The following IMPA2 variants were observed in gnomAD, a reference collection of about 807,000 sequenced individuals.
The protein encoded by IMPA2 is IMP 2.
Under a neutral mutation model 35.1 loss-of-function variants are expected in IMPA2, and 32 were observed. That is an observed-to-expected ratio of 0.91 (90% CI 0.69 to 1.23). The LOEUF is 1.23. Ranked by LOEUF, IMPA2 falls within the 50% of genes most tolerant of loss-of-function variation. The probability of loss-of-function intolerance (pLI) is 0.00; values close to 1 mark genes in which losing one functional copy is unlikely to be tolerated. For synonymous variants in IMPA2, 135 were observed against 160.6 expected (o/e 0.84, Z 1.20); for missense variants, 334 against 387.6 (o/e 0.86, Z 1.16).
intron 1 of IMPA2, among the ~76,000 whole-genome samples, chr18:11,983,266 G>C (rs1906558676): frequency 6.6e-6 from 1 of 152,230 alleles, no homozygotes; most frequent in Non-Finnish European, 1.5e-5. Context: ...CAGAGCTGCT[G>C]TGTGCATGGA....
rs180767435 is a variant in IMPA2 at position 12,010,524 on chromosome 18, G to T, written c.335+537G>T. On this transcript the variant is annotated intron_variant, in intron 3 of 7. Coordinates refer to ENST00000269159, the MANE Select transcript of IMPA2 (RefSeq NM_014214.3). This position sits in a 1 kb window ranked among gnomAD's most constrained non-coding sequence, Gnocchi z 4.8. ...GGATGGTGAAGTGACAGGATGCAAA[G>T]GTGACAGGGACACGACCACAGGTGT... Among the ~76,000 whole-genome samples, 22 of 152,366 alleles carry T rather than the reference G, an allele frequency of 1.4e-4. No individual in the cohort carries two copies. In the East Asian group the frequency reaches 3.5e-3, roughly 24 times the overall value.
intron 2 of IMPA2, 126 bp downstream of exon 2, chr18:11,999,313 G>A (rs933929195): frequency 1.3e-5 from 11 of 815,396 alleles, no homozygotes; most frequent in Middle Eastern, 2.9e-4. Context: ...CCTAAGCCAC[G>A]CAGCCTAACC....
chr18:11,993,477 T>C (rs1168598758), intron 1 of IMPA2, among the ~76,000 whole-genome samples: 1 of 152,176 alleles, frequency 6.6e-6, no homozygotes, highest in Non-Finnish European at 1.5e-5. Context: ...GATAGAGCCC[T>C]ATCTGGTGTA....
In IMPA2 at chr18:12,005,826, C is replaced by T. The variant is rs181440557; in HGVS notation, c.231-4057C>T. On this transcript the variant is annotated intron_variant, in intron 2 of 7. Transcript: ENST00000269159. The stretch of plus-strand genomic sequence containing the variant: ...TGCCTCCTCCTTCAGGGCTCACTGG[C>T]AGTTTTCTTTCCACCGCTTCAGTTT... Among the ~76,000 whole-genome samples the T allele has an allele frequency of 2.8e-3, 432 of 152,244 alleles. 1 individual carries two copies. Among genetic ancestry groups the T allele is most frequent in the African/African-American group, 9.9e-3 (410 of 41,522 alleles).
In IMPA2 at chr18:11,991,652, C is replaced by A. The variant is rs113318971; in HGVS notation, c.97-7402C>A. Among the ~76,000 whole-genome samples, 1,100 of 152,242 alleles carry A rather than the reference C, an allele frequency of 7.2e-3. 10 individuals are homozygous for A. The highest frequency in any genetic ancestry group is 0.022 in the South Asian group (107 of 4,830). On this transcript the variant is annotated intron_variant, in intron 1 of 7. Coordinates refer to ENST00000269159, the MANE Select transcript of IMPA2 (RefSeq NM_014214.3). The surrounding 1 kb of genome is among the most constrained non-coding windows in gnomAD (Gnocchi z 4.1). Reference sequence around the variant, plus strand: ...ACAGCTGATGTTCCAGTTTGAAGGCCATAGGGCAGGAAGAGTTGTTCATGT... The same window carrying A: ...ACAGCTGATGTTCCAGTTTGAAGGCAATAGGGCAGGAAGAGTTGTTCATGT...
chr18:11,990,488 A>G (rs1906783134), intron 1 of IMPA2, among the ~76,000 whole-genome samples: 2 of 152,176 alleles, frequency 1.3e-5, no homozygotes, highest in African/African-American at 4.8e-5. Context: ...AAGGACCTCC[A>G]AGAAATGCAC....
chr18:11,997,090 G>C (rs1037446457), intron 1 of IMPA2, among the ~76,000 whole-genome samples: 1 of 152,034 alleles, frequency 6.6e-6, no homozygotes, highest in Non-Finnish European at 1.5e-5. Context: ...ACACAACAGA[G>C]ACACACACAC....
chr18:11,994,238 T>C (rs1906893529), intron 1 of IMPA2: 1 of 151,636 alleles, frequency 6.6e-6, no homozygotes, highest in African/African-American at 2.4e-5. Flanking sequence ...GATCCGGGTG[T>C]GGTGGTGCGT....
At chr18:11,993,190 A>T (rs1162420589) in intron 1 of IMPA2, among the ~76,000 whole-genome samples, 1 of 152,206 alleles carries the variant, frequency 6.6e-6, no homozygotes, top group Non-Finnish European at 1.5e-5. Context: ...GTTATTACAG[A>T]AGAGGAAATG....
Position 11,981,734 on chromosome 18 carries a change from C to G in IMPA2, c.65C>G (p.Ala22Gly). 2.4e-6 allele frequency: 3 copies of G among 1,229,380 alleles called. No individual in the cohort carries two copies. Among genetic ancestry groups the G allele is most frequent in the Non-Finnish European group, 3.0e-6 (3 of 986,300 alleles). The allele number at this position is 1,229,380 out of a possible 1,614,324, so 76.2% of individuals were successfully genotyped here. The change falls in exon 1 of 8, where the codon GCG (alanine) becomes GGG (glycine). Residue 22 changes from alanine (A) to glycine (G), a missense_variant. Physicochemically the swap from Ala to Gly is moderately conservative, Grantham distance 60 (BLOSUM62 0). Coordinates refer to ENST00000269159, the MANE Select transcript of IMPA2 (RefSeq NM_014214.3). ...GGCCCCTGGGAGGAGTGCTTCCAGGCGGCCGTGCAGCTGGCGCTGCGGGCA... is the reference window on the plus strand; with the variant it reads ...GGCCCCTGGGAGGAGTGCTTCCAGGGGGCCGTGCAGCTGGCGCTGCGGGCA... ...AAGPWEECFQ[A>G]AVQLALRAGQ...
At chr18:12,026,034 ATTTT>A (rs35644462) in intron 5 of IMPA2, among the ~76,000 whole-genome samples, 4 of 109,858 alleles carry the variant, frequency 3.6e-5, no homozygotes, top group Non-Finnish European at 5.9e-5. Flanking sequence ...TCAAAAGAGC[ATTTT>A]TTTTTTTTTT....
chr18:12,023,210 A>G (rs1032054068), intron 5 of IMPA2, among the ~76,000 whole-genome samples: 1 of 152,138 alleles, frequency 6.6e-6, no homozygotes, highest in African/African-American at 2.4e-5. Context: ...TTTCACAAAC[A>G]GGAAAACTAT....
At chr18:11,984,166 G>A (rs1342758381) in intron 1 of IMPA2, among the ~76,000 whole-genome samples, 1 of 152,238 alleles carries the variant, frequency 6.6e-6, no homozygotes, top group Non-Finnish European at 1.5e-5. Flanking sequence ...TGGCCCTGGA[G>A]AAACTGCTTC....
intron 1 of IMPA2, 26 bp from the exon 2 acceptor site, chr18:11,999,028 A>T: frequency 6.3e-7 from 1 of 1,589,450 alleles, no homozygotes; most frequent in Non-Finnish European, 8.6e-7. Context: ...TGCATGTTTA[A>T]CCCAAATCCC....
intron 2 of IMPA2, among the ~76,000 whole-genome samples, chr18:12,009,581 T>C (rs1427861633): frequency 1.3e-5 from 2 of 152,210 alleles, no homozygotes; most frequent in Non-Finnish European, 2.9e-5. Context: ...TCAGAAGATC[T>C]GTTTTCCAGT....
intron 6 of IMPA2, 101 bp from the exon 7 acceptor site, chr18:12,028,741 T>G (rs746610187): frequency 2.4e-5 from 32 of 1,343,026 alleles, no homozygotes; most frequent in Non-Finnish European, 3.1e-5. Context: ...CATTTTTCAC[T>G]AGGGAAAATG....
intron 5 of IMPA2, among the ~76,000 whole-genome samples, chr18:12,018,996 A>G (rs1388292786): frequency 6.6e-6 from 1 of 151,750 alleles, no homozygotes; most frequent in Non-Finnish European, 1.5e-5. Context: ...GATAATTTAA[A>G]AAATATTTTT....
At chr18:12,006,044 CGT>C (rs1010144478) in intron 2 of IMPA2, among the ~76,000 whole-genome samples, 1 of 152,190 alleles carries the variant, frequency 6.6e-6, no homozygotes, top group Admixed American at 6.5e-5. Context: ...GGGTGTGGAG[CGT>C]TTTCTTTAAA....
intron 2 of IMPA2, chr18:12,008,286 G>A (rs573280274): frequency 3.9e-6 from 2 of 506,664 alleles, no homozygotes; most frequent in Non-Finnish European, 3.9e-6. Context: ...GTGAGCCACC[G>A]CGCCTTGCTT....
Sources: allele counts gnomAD v4.1 joint callset (sites outside exome capture counted in the v4.1 genomes callset), GRCh38; gene constraint gnomAD v4.1.1; non-coding constraint Gnocchi (gnomAD v3.1); transcripts MANE v1.5; gene names NCBI Gene and HGNC (gene_info 2026-07-23, HGNC 2026-07-21).